Variants in HSPA12B observed in about 807,000 individuals in gnomAD.
HSPA12B encodes heat shock protein family A (Hsp70) member 12B, also known as heat shock 70 kDa protein 12B.
A neutral mutation model predicts 69.3 loss-of-function variants in HSPA12B; 54 were observed. That is an observed-to-expected ratio of 0.78 (90% confidence interval 0.63 to 0.98). HSPA12B has a LOEUF of 0.98. Among genes scored for constraint, HSPA12B ranks in the 50% least tolerant of loss-of-function variants. The pLI, the probability that HSPA12B is intolerant of heterozygous loss-of-function variation, is 0.00. For synonymous variants in HSPA12B, 441 were observed against 436.5 expected, an observed-to-expected ratio of 1.01 and a Z score of -0.13; for missense variants, 929 against 999.8, an observed-to-expected ratio of 0.93 and a Z score of 0.96.
In HSPA12B at chr20:3,744,945, C is replaced by T. The variant is rs374372742; in HGVS notation, c.310C>T (p.Pro104Ser). ...CCCGGGCGTGGCCCACCAGAAGACC[C>T]CGACCTGCCTGCTGCTGACTCCGGA... ...GDPGVAHQKT[P>S]TCLLLTPEGA... is the part of the protein sequence containing the mutation. Residue 104 changes from proline to serine, a missense_variant, in exon 5 of 13, where the codon CCG becomes TCG. Physicochemically the swap from Pro to Ser is moderately conservative, Grantham distance 74. Transcript: ENST00000254963. This position sits in a 1 kb window ranked among gnomAD's most constrained non-coding sequence, Gnocchi z 4.9. The T allele has an allele frequency of 6.2e-7, 1 of 1,613,728 alleles. No homozygotes were observed. The highest frequency in any genetic ancestry group is 8.5e-7 in the Non-Finnish European group (1 of 1,180,028).
rs11470713 is a variant in HSPA12B, at chr20:3,737,057, AAAATAAATAAATAAATAAATAAAT to A, written c.-17-1575_-17-1552del. Among the ~76,000 whole-genome samples the A allele has an allele frequency of 1.1e-4, 16 of 146,242 alleles. No individual in the cohort carries two copies. Among genetic ancestry groups the A allele is most frequent in the African/African-American group, 2.3e-4 (9 of 39,062 alleles). On this transcript the variant is annotated intron_variant, in intron 1 of 12. Transcript: ENST00000254963. The surrounding 1 kb of genome is among the most constrained non-coding windows in gnomAD (Gnocchi z 4.1). ...GGGGACAGAGTGAGACTCTGCCTCAAAAATAAATAAATAAATAAATAAATAAATAAATAAATAAATAAATAAATA... is the reference window on the plus strand; with the variant it reads ...GGGGACAGAGTGAGACTCTGCCTCAAAAATAAATAAATAAATAAATAAATA...
intron 4 of HSPA12B, among the ~76,000 whole-genome samples, chr20:3,743,173 A>C (rs1282973429): frequency 8.4e-5 from 1 of 11,914 alleles, no homozygotes; most frequent in Non-Finnish European, 1.3e-4. Context: ...GATGTGAGCC[A>C]CCAACCTGGC....
chr20:3,749,438 G>A lies in HSPA12B; in HGVS notation c.937+120G>A. ...CTCCTCCATTCGCTGTACCCAACCTGGCCGTCCCCTCACAGTCACCCGCAC... is the reference window on the plus strand; with the variant it reads ...CTCCTCCATTCGCTGTACCCAACCTAGCCGTCCCCTCACAGTCACCCGCAC... On this transcript the variant is annotated intron_variant, in intron 9 of 12. Transcript: ENST00000254963. This position sits in a 1 kb window ranked among gnomAD's most constrained non-coding sequence, Gnocchi z 5.5. 1.1e-6 allele frequency: 1 copy of A among 943,258 alleles called. No homozygotes were observed. Among genetic ancestry groups the A allele is most frequent in the Middle Eastern group, 2.9e-4 (1 of 3,462 alleles). 58.4% of individuals were successfully genotyped at this position (943,258 alleles called of 1,614,324 possible).
rs781177119 is a variant in HSPA12B, at chr20:3,750,132, T to G, written c.1206T>G (p.Arg402=). ...GCAAGCGCACTGCTGGCCCACACCG[T>G]GCAGGGGCGCTCAACATCTCGCTGC... ...EARKRTAGPH[R]AGALNISLPF... Residue 402 remains arginine, a synonymous_variant, in exon 11 of 13, where the codon CGT becomes CGG. Transcript: ENST00000254963. 1.9e-5 allele frequency: 31 copies of G among 1,611,922 alleles called. No homozygotes were observed. In the South Asian group the frequency reaches 3.3e-4, roughly 17 times the overall value.
chr20:3,750,697 G>A lies in HSPA12B; in HGVS notation c.1302-107G>A, dbSNP rs535915523. The A allele has an allele frequency of 1.2e-5, 19 of 1,589,726 alleles. No homozygotes were observed. In the Admixed American group the frequency reaches 3.0e-4, roughly 25 times the overall value. ...GACACCACGTGCAGTCGGTGCCCAG[G>A]CACTTCTGCCTGGAGGCAGAGGTAG... On this transcript the variant is annotated intron_variant, in intron 11 of 12. Coordinates refer to ENST00000254963, the MANE Select transcript of HSPA12B (RefSeq NM_052970.5).
chr20:3,751,469 C>A, intron 12 of HSPA12B, 42 bp from the exon 13 acceptor site: 1 of 1,380,036 alleles, frequency 7.2e-7, no homozygotes. Context: ...CGCCCCTTCT[C>A]CTCTGCCCCC....
chr20:3,738,685 T>G lies in HSPA12B; in HGVS notation c.11T>G (p.Val4Gly). 1 of 1,614,166 alleles carries G rather than the reference T, an allele frequency of 6.2e-7. No homozygotes were observed. Among genetic ancestry groups the G allele is most frequent in the East Asian group, 2.2e-5 (1 of 44,876 alleles). MLAVPEMGLQGLYI... is the reference protein window; with the variant it reads MLAGPEMGLQGLYI... ...ACAGGGCCTGCAAGGATGTTGGCTG[T>G]CCCGGAGATGGGCCTGCAGGGGCTG... The change falls in exon 2 of 13, where the codon GTC (valine) becomes GGC (glycine). Residue 4 changes from valine (V) to glycine (G), a missense_variant. By Grantham distance (109) the Val-to-Gly change is moderately radical (BLOSUM62 -3). Transcript: ENST00000254963.
chr20:3,734,886 T>G (rs2088085462), intron 1 of HSPA12B, among the ~76,000 whole-genome samples: 1 of 151,936 alleles, frequency 6.6e-6, no homozygotes, highest in Non-Finnish European at 1.5e-5. Flanking sequence ...ACTCTAGGCA[T>G]GCACTACCAC....
intron 1 of HSPA12B, among the ~76,000 whole-genome samples, chr20:3,734,167 C>T (rs2146548300): frequency 6.6e-6 from 1 of 152,136 alleles, no homozygotes; most frequent in Admixed American, 6.5e-5. Context: ...GACCCTGTCT[C>T]AAAAAAAGGA....
In HSPA12B at chr20:3,732,782, C is replaced by A; in HGVS notation, c.-30C>A. 6.6e-6 allele frequency: 1 copy of A among 151,742 alleles called. No individual in the cohort carries two copies. Among genetic ancestry groups the A allele is most frequent in the South Asian group, 2.1e-4 (1 of 4,842 alleles). The allele number at this position is 151,742 out of a possible 1,614,324, so 9.4% of individuals were successfully genotyped here. A position where few individuals can be genotyped will look rare whatever the true frequency, so the allele number is the denominator to read the frequency against. ...GGCGGCTGGACGGGGCTGGAGCTGT[C>A]GGGAGGGCGGAGGTGAGTTCTGGGG... is the stretch of plus-strand genomic sequence containing the variant. On this transcript the variant is annotated 5_prime_UTR_variant, in exon 1 of 13. Transcript: ENST00000254963.
chr20:3,736,593 G>A (rs1218562271), intron 1 of HSPA12B, among the ~76,000 whole-genome samples: 1 of 152,230 alleles, frequency 6.6e-6, no homozygotes, highest in Non-Finnish European at 1.5e-5. Flanking sequence ...TTGGCCCTGC[G>A]TAGCCTCCTC....
chr20:3,751,755 C>A lies in HSPA12B; in HGVS notation c.1650C>A (p.Arg550=). 6.6e-7 allele frequency: 1 copy of A among 1,524,766 alleles called. No individual in the cohort carries two copies. Among genetic ancestry groups the A allele is most frequent in the Non-Finnish European group, 8.8e-7 (1 of 1,141,768 alleles). 94.5% of individuals were successfully genotyped at this position (1,524,766 alleles called of 1,614,324 possible). ...CCTATGGCGTGGGCGTGCTCAACCG[C>A]TTTGTGCCTGGGCGCCACCCGCCCG... ...PLTYGVGVLN[R]FVPGRHPPEK... The change falls in exon 13 of 13, where the codon CGC becomes CGA. Residue 550 remains arginine, a synonymous_variant. Coordinates refer to ENST00000254963, the MANE Select transcript of HSPA12B (RefSeq NM_052970.5).
chr20:3,749,916 C>G lies in HSPA12B; in HGVS notation c.1043-53C>G, dbSNP rs2146589054. On this transcript the variant is annotated intron_variant, in intron 10 of 12. Transcript: ENST00000254963. This position sits in a 1 kb window ranked among gnomAD's most constrained non-coding sequence, Gnocchi z 5.5. ...CCCGGGCTCCGGCCCCGCCACTGCC[C>G]CCTGGCGGCCCGGCGAGCGCTGACG... The G allele has an allele frequency of 1.9e-6, 3 of 1,550,578 alleles. No homozygotes were observed. Among genetic ancestry groups the G allele is most frequent in the Admixed American group, 2.0e-5 (1 of 50,686 alleles).
chr20:3,746,341 C>T (rs983859858), intron 7 of HSPA12B, among the ~76,000 whole-genome samples: 10 of 118,262 alleles, frequency 8.5e-5, no homozygotes, highest in South Asian at 2.9e-4. Context: ...CTCGCTCTGT[C>T]GCCCAGGCTG....
chr20:3,750,007 G>T lies in HSPA12B; in HGVS notation c.1081G>T (p.Glu361Ter). The change falls in exon 11 of 13, where the codon GAG becomes TAG. Residue 361 changes from glutamate (E) to a stop codon, truncating the protein, a stop_gained. Coordinates refer to ENST00000254963, the MANE Select transcript of HSPA12B (RefSeq NM_052970.5). LOFTEE classifies it high-confidence loss of function. ...YGAVGVDLAF[E>*]QLLCRIFGED... ...CGCGGTGGGCGTGGACCTGGCCTTC[G>T]AGCAGCTGCTGTGCCGCATCTTCGG... The T allele has an allele frequency of 6.3e-7, 1 of 1,586,776 alleles. No individual in the cohort carries two copies. The highest frequency in any genetic ancestry group is 8.6e-7 in the Non-Finnish European group (1 of 1,167,416).
rs1326857831 is a variant in HSPA12B, at chr20:3,744,964, C to T, written c.329C>T (p.Thr110Ile). Residue 110 changes from threonine (T) to isoleucine (I), a missense_variant, in exon 5 of 13, where the codon ACT (threonine) becomes ATT (isoleucine). By Grantham distance (89) the Thr-to-Ile change is moderately conservative. Coordinates refer to ENST00000254963, the MANE Select transcript of HSPA12B (RefSeq NM_052970.5). The surrounding 1 kb of genome is among the most constrained non-coding windows in gnomAD (Gnocchi z 4.9). ...HQKTPTCLLLTPEGAFHSFGY... is the reference protein window; with the variant it reads ...HQKTPTCLLLIPEGAFHSFGY... ...AAGACCCCGACCTGCCTGCTGCTGA[C>T]TCCGGAGGGCGCCTTCCACAGCTTT... 2.5e-6 allele frequency: 4 copies of T among 1,613,938 alleles called. No individual in the cohort carries two copies. The South Asian group carries it at 4.4e-5, about 18-fold the overall frequency.
intron 4 of HSPA12B, among the ~76,000 whole-genome samples, chr20:3,742,725 TCTCA>T (rs1224810966): frequency 1.1e-4 from 17 of 149,162 alleles, no homozygotes; most frequent in Non-Finnish European, 1.9e-4. Context: ...TGAGGCGGAG[TCTCA>T]CTCTGTCGCC....
rs1202846518 is a variant in HSPA12B, at chr20:3,748,326, G to A, written c.785G>A (p.Ser262Asn). 1.2e-6 allele frequency: 2 copies of A among 1,611,406 alleles called. No individual in the cohort carries two copies. Among genetic ancestry groups the A allele is most frequent in the South Asian group, 1.1e-5 (1 of 90,592 alleles). ...CGCCTGCACCAGCTCCTGGACCTGA[G>A]TGGCCGGGCCCCAGGTGGTGGGCGC... Reference protein sequence around the residue: ...KLRLHQLLDLSGRAPGGGRLG... With the variant: ...KLRLHQLLDLNGRAPGGGRLG... The change falls in exon 8 of 13, where the codon AGT becomes AAT. Residue 262 changes from serine to asparagine, a missense_variant. By Grantham distance (46) the Ser-to-Asn change is conservative. Around this residue, in one of 3 missense-constraint regions of HSPA12B, gnomAD observed 477 missense variants for 535.2 expected, o/e 0.89. Transcript: ENST00000254963.
chr20:3,738,597 T>C, intron 1 of HSPA12B, 61 bp from the exon 2 acceptor site: 1 of 1,481,448 alleles, frequency 6.8e-7, no homozygotes, highest in Non-Finnish European at 9.4e-7. Flanking sequence ...TAAATAAGCA[T>C]TCAGATGAGG....
Sources: gnomAD v4.1 joint callset for allele counts (sites outside exome capture counted in the v4.1 genomes callset) on GRCh38, gnomAD v4.1.1 for gene constraint, gnomAD v4.1.1 regional missense constraint, Gnocchi (gnomAD v3.1) non-coding constraint, MANE v1.5 for transcripts, NCBI Gene and HGNC (gene_info 2026-07-23, HGNC 2026-07-21) for gene names.